Variants in RALYL observed in about 807,000 individuals in gnomAD.
RALYL encodes the protein RALY RNA binding protein like.
A neutral mutation model predicts 35.1 loss-of-function variants in RALYL; 29 were observed. The observed-to-expected ratio is 0.83, with a 90% CI of 0.61 to 1.13. RALYL has a LOEUF of 1.13. Among genes scored for constraint, RALYL ranks in the 50% most tolerant of loss-of-function variants. The pLI, the probability that RALYL is intolerant of heterozygous loss-of-function variation, is 0.00. For missense variants in RALYL, 359 were observed against 360.4 expected, an observed-to-expected ratio of 1.00 and a Z score of 0.03; for synonymous variants, 120 against 127.6, an observed-to-expected ratio of 0.94 and a Z score of 0.40.
At chr8:84,756,412 C>G (rs1811419865) in intron 2 of RALYL, among the ~76,000 whole-genome samples, 1 of 152,134 alleles carries the variant, frequency 6.6e-6, no homozygotes, top group Non-Finnish European at 1.5e-5. Flanking sequence ...GCAGCCCCCA[C>G]TCCGTGGCTA....
intron 1 of RALYL, among the ~76,000 whole-genome samples, chr8:84,262,033 A>T (rs569999451): frequency 4.7e-4 from 71 of 152,268 alleles, no homozygotes; most frequent in African/African-American, 1.6e-3. Context: ...GTTCTTCTAC[A>T]TCACTACCAT....
intron 2 of RALYL, among the ~76,000 whole-genome samples, chr8:84,752,885 T>C (rs1810415851): frequency 1.3e-5 from 2 of 152,176 alleles, no homozygotes; most frequent in South Asian, 2.1e-4. Context: ...GGAGCCCTCA[T>C]GGAGAACCTC....
At chr8:84,816,469 T>C (rs1827311311) in intron 4 of RALYL, among the ~76,000 whole-genome samples, 2 of 152,332 alleles carry the variant, frequency 1.3e-5, no homozygotes, top group South Asian at 4.1e-4. Context: ...AGTAGCTTTA[T>C]ATGAGGATGC....
intron 1 of RALYL, among the ~76,000 whole-genome samples, chr8:84,415,685 T>C (rs1037006510): frequency 5.3e-5 from 8 of 151,536 alleles, no homozygotes; most frequent in South Asian, 4.2e-4. Flanking sequence ...GAGACACTGG[T>C]TTTTTTTTCT....
intron 1 of RALYL, among the ~76,000 whole-genome samples, chr8:84,277,236 G>A (rs933022288): frequency 2.6e-5 from 4 of 152,188 alleles, no homozygotes; most frequent in South Asian, 2.1e-4. Context: ...CAAAGGAGAA[G>A]CAAAGGCACA....
intron 2 of RALYL, among the ~76,000 whole-genome samples, chr8:84,669,945 A>C (rs1832887173): frequency 6.6e-6 from 1 of 152,140 alleles, no homozygotes; most frequent in African/African-American, 2.4e-5. Context: ...ACCGATTCCT[A>C]GTCTTTTCAC....
chr8:84,445,172 A>G (rs2048726545), intron 1 of RALYL, among the ~76,000 whole-genome samples: 1 of 152,066 alleles, frequency 6.6e-6, no homozygotes, highest in Non-Finnish European at 1.5e-5. Flanking sequence ...TCTGTTTTAG[A>G]TGTAGAAAAC....
intron 1 of RALYL, among the ~76,000 whole-genome samples, chr8:84,219,249 A>G (rs1275663511): frequency 6.6e-6 from 1 of 151,986 alleles, no homozygotes; most frequent in Non-Finnish European, 1.5e-5. Flanking sequence ...TGTTCTTGTG[A>G]TAGTGAGTTC....
At chr8:84,337,776 G>A (rs1848073550) in intron 1 of RALYL, among the ~76,000 whole-genome samples, 1 of 152,002 alleles carries the variant, frequency 6.6e-6, no homozygotes, top group Non-Finnish European at 1.5e-5. Flanking sequence ...ATAGGCATTT[G>A]ATACACCTTG....
intron 1 of RALYL, among the ~76,000 whole-genome samples, chr8:84,191,480 C>A (rs1196794696): frequency 2.6e-5 from 4 of 152,124 alleles, no homozygotes; most frequent in African/African-American, 4.8e-5. Flanking sequence ...TTCTTAATAT[C>A]ATTCCCCATT....
intron 2 of RALYL, among the ~76,000 whole-genome samples, chr8:84,758,595 T>C (rs1373196146): frequency 6.6e-6 from 1 of 152,094 alleles, no homozygotes; most frequent in African/African-American, 2.4e-5. Flanking sequence ...TGGGCCCTGG[T>C]TCTTCACCAC....
In RALYL at chr8:84,756,922, G is replaced by A. The variant is rs972111641; in HGVS notation, c.257-17657G>A. Among the ~76,000 whole-genome samples, 8 of 151,604 alleles carry A rather than the reference G, an allele frequency of 5.3e-5. No individual in the cohort carries two copies. The East Asian group carries it at 5.8e-4, about 11-fold the overall frequency. ...AGGTACAAAATTATTTGTCTTTTTT[G>A]CCAATTTCTTACTTGATTTAGAGAC... On this transcript the variant is annotated intron_variant, in intron 2 of 8. Transcript: ENST00000521268.
chr8:84,797,466 G>A (rs143057752), intron 3 of RALYL, among the ~76,000 whole-genome samples: 26 of 152,258 alleles, frequency 1.7e-4, no homozygotes, highest in Admixed American at 1.1e-3. Context: ...CTGGCACATC[G>A]CAAGCTCTGA....
chr8:84,403,083 T>G (rs1279487888), intron 1 of RALYL, among the ~76,000 whole-genome samples: 1 of 152,192 alleles, frequency 6.6e-6, no homozygotes, highest in Non-Finnish European at 1.5e-5. Context: ...ATGGATAGAT[T>G]GCAAAAATTT....
At chr8:84,558,587 T>C (rs2135545930) in intron 2 of RALYL, among the ~76,000 whole-genome samples, 1 of 152,302 alleles carries the variant, frequency 6.6e-6, no homozygotes, top group East Asian at 1.9e-4. Context: ...CTATTTCTGT[T>C]AGTTTAAATC....
intron 2 of RALYL, among the ~76,000 whole-genome samples, chr8:84,596,846 C>A (rs976883922): frequency 6.6e-6 from 1 of 151,940 alleles, no homozygotes; most frequent in South Asian, 2.1e-4. Context: ...AACTTCTTTC[C>A]TTCTATCCTG....
intron 1 of RALYL, among the ~76,000 whole-genome samples, chr8:84,426,439 T>TGC (rs2046454640): frequency 2.0e-5 from 1 of 51,094 alleles, no homozygotes; most frequent in Non-Finnish European, 5.1e-5. Flanking sequence ...TCTCTCTCTC[T>TGC]GTGTGTGTGT....
chr8:84,554,161 T>A (rs1427291660), intron 2 of RALYL, among the ~76,000 whole-genome samples: 1 of 152,184 alleles, frequency 6.6e-6, no homozygotes, highest in East Asian at 1.9e-4. Context: ...AAAAATTAAG[T>A]AATCATGGCT....
At chr8:84,336,817 C>T (rs76919038) in intron 1 of RALYL, among the ~76,000 whole-genome samples, 1,943 of 152,030 alleles carry the variant, frequency 0.013, 15 homozygotes, top group Non-Finnish European at 0.02. Context: ...AAGAGGTCCA[C>T]GACTGCACTG....
Sources: allele counts gnomAD v4.1 joint callset (sites outside exome capture counted in the v4.1 genomes callset), GRCh38; gene constraint gnomAD v4.1.1; transcripts MANE v1.5; gene names NCBI Gene and HGNC (gene_info 2026-07-23, HGNC 2026-07-21).